CCNL2: variants seen among roughly 807,000 people sequenced by gnomAD.
The protein encoded by CCNL2 is cyclin-L2.
CCNL2 carries 28 observed loss-of-function variants against 59.1 expected under a neutral mutation model. The ratio of observed to expected loss-of-function variants is 0.47; its 90% CI spans 0.35 to 0.65. The LOEUF (loss-of-function observed/expected upper bound fraction) is 0.65. Ranked by LOEUF, CCNL2 falls within the 30% of genes least tolerant of loss-of-function variation. CCNL2 has a pLI of 0.00. For missense variants in CCNL2, 714 were observed against 717.4 expected (o/e 1.00, Z 0.05); for synonymous variants, 342 against 288.6 (o/e 1.19, Z -1.88).
rs777264153 is a variant in CCNL2 at position 1,390,792 on chromosome 1, T to C, written c.733A>G (p.Ile245Val). Reference sequence around the variant, plus strand: ...TCCAGCGTCCGGGCAGCAAGATAAATGCAGGCACAGGCGATGCTCTCTGGC... The same window carrying C: ...TCCAGCGTCCGGGCAGCAAGATAAACGCAGGCACAGGCGATGCTCTCTGGC... ...FQPESIACACIYLAARTLEIP... is the reference protein window; with the variant it reads ...FQPESIACACVYLAARTLEIP... The change falls in exon 6 of 11, where the codon ATT becomes GTT. Residue 245 changes from isoleucine to valine, a missense_variant. Physicochemically the swap from Ile to Val is conservative, Grantham distance 29. Transcript: ENST00000400809. 2.5e-6 allele frequency: 4 copies of C among 1,614,094 alleles called. No homozygotes were observed. Among genetic ancestry groups the C allele is most frequent in the African/African-American group, 2.7e-5 (2 of 75,024 alleles).
At chr1:1,396,550 G>C (rs1265214427) in intron 3 of CCNL2, among the ~76,000 whole-genome samples, 1 of 144,076 alleles carries the variant, frequency 6.9e-6, no homozygotes, top group African/African-American at 2.6e-5. Context: ...ATAGGCGTGA[G>C]CCACTGCGCT....
At chr1:1,392,298 T>G (rs1644802615) in intron 5 of CCNL2, 2 of 969,632 alleles carry the variant, frequency 2.1e-6, no homozygotes, top group Non-Finnish European at 2.5e-6. Context: ...ACATATAAAC[T>G]TATTGCTGTA....
chr1:1,387,344 T>C lies in CCNL2; in HGVS notation c.1450A>G (p.Lys484Glu). The C allele has an allele frequency of 1.2e-6, 2 of 1,614,180 alleles. No individual in the cohort carries two copies. The highest frequency in any genetic ancestry group is 1.7e-6 in the Non-Finnish European group (2 of 1,180,046). The change falls in exon 11 of 11, where the codon AAG becomes GAG. Residue 484 changes from lysine to glutamate, a missense_variant. Physicochemically the swap from Lys to Glu is moderately conservative, Grantham distance 56. Around this residue, in one of 5 missense-constraint regions of CCNL2, gnomAD observed 403 missense variants for 377.7 expected, o/e 1.07. Coordinates refer to ENST00000400809, the MANE Select transcript of CCNL2 (RefSeq NM_030937.6). ...RERADNPGKY[K>E]KKSHYYRDQR... ...TCTCTGTAGTAATGACTTTTCTTCT[T>C]GTATTTTCCCGGATTATCCGCCCGC...
intron 3 of CCNL2, among the ~76,000 whole-genome samples, chr1:1,397,350 A>C (rs1357932530): frequency 6.6e-6 from 1 of 152,146 alleles, no homozygotes; most frequent in African/African-American, 2.4e-5. Flanking sequence ...GCTGGAGTGC[A>C]GTGGTGACAT....
intron 4 of CCNL2, among the ~76,000 whole-genome samples, chr1:1,394,125 CAAA>C (rs79948157): frequency 3.4e-5 from 3 of 88,768 alleles, no homozygotes; most frequent in African/African-American, 4.2e-5. Context: ...ATTCCGTCTC[CAAA>C]AAAAAAAAAA....
intron 8 of CCNL2, 64 bp downstream of exon 8, chr1:1,390,166 G>A: frequency 7.5e-6 from 11 of 1,467,380 alleles, no homozygotes; most frequent in Non-Finnish European, 1.0e-5. Context: ...CAGAATGGAG[G>A]CGGGGGAGAG....
rs34758373 is a variant in CCNL2 at position 1,399,318 on chromosome 1, G to T, written c.-12C>A. On this transcript the variant is annotated 5_prime_UTR_variant, in exon 1 of 11. Coordinates refer to ENST00000400809, the MANE Select transcript of CCNL2 (RefSeq NM_030937.6). Reference sequence around the variant, plus strand: ...GCCGCCGCCGCCATTTTGTGCCGCCGACTCCCCTTCGGCTTCTTCCCTCAG... The same window carrying T: ...GCCGCCGCCGCCATTTTGTGCCGCCTACTCCCCTTCGGCTTCTTCCCTCAG... 1.4e-6 allele frequency: 2 copies of T among 1,439,624 alleles called. No individual in the cohort carries two copies. The highest frequency in any genetic ancestry group is 3.0e-5 in the African/African-American group (2 of 66,494). 89.2% of individuals were successfully genotyped at this position (1,439,624 alleles called of 1,614,324 possible).
rs1430542056 is a variant in CCNL2, at chr1:1,387,944, G to A, written c.1118+10C>T. The A allele has an allele frequency of 6.2e-7, 1 of 1,613,116 alleles. No homozygotes were observed. Among genetic ancestry groups the A allele is most frequent in the East Asian group, 2.2e-5 (1 of 44,876 alleles). ...CCCTGACAGCCACCTGGGCAGCCCT[G>A]GGGTCCTACCCGTTCACGGGGCTGT... On this transcript the variant is annotated intron_variant, in intron 9 of 10. Transcript: ENST00000400809.
chr1:1,389,565 C>A (rs1326402097), intron 8 of CCNL2: 1 of 152,252 alleles, frequency 6.6e-6, no homozygotes, highest in Non-Finnish European at 1.5e-5. Flanking sequence ...ATGCTCCTAG[C>A]ACTCTGGGAC....
At chr1:1,391,890 C>T in intron 5 of CCNL2, 1 of 253,620 alleles carries the variant, frequency 3.9e-6, no homozygotes, top group Non-Finnish European at 7.8e-6. Context: ...TACTGCTCCT[C>T]ACATACCCCA....
At position 1,399,284 on chromosome 1, in the gene CCNL2, G is replaced by GCCC; in HGVS notation, c.22_23insGGG (p.Ala7_Ala8insGly). 6 of 1,425,210 alleles carry GCCC rather than the reference G, an allele frequency of 4.2e-6. No homozygotes were observed. Among genetic ancestry groups the GCCC allele is most frequent in the Non-Finnish European group, 4.6e-6 (5 of 1,093,718 alleles). The allele number at this position is 1,425,210 out of a possible 1,614,324, so 88.3% of individuals were successfully genotyped here. On this transcript the variant is annotated inframe_insertion, in exon 1 of 11. Transcript: ENST00000400809. ...GGGAGCTGCCGACCCTGCAGCACCA[G>GCCC]CCGCCGCCGCCGCCGCCGCCATTTT...
At chr1:1,390,433 C>G (rs1157564861) in intron 7 of CCNL2, 26 bp downstream of exon 7, 9 of 1,612,514 alleles carry the variant, frequency 5.6e-6, no homozygotes, top group South Asian at 4.4e-5. Context: ...CAAACGCATA[C>G]GTTACATGAA....
intron 4 of CCNL2, 56 bp downstream of exon 4, chr1:1,395,338 G>A (rs560570288): frequency 1.6e-4 from 262 of 1,598,346 alleles, no homozygotes; most frequent in Middle Eastern, 3.3e-4. Context: ...GGAGAGAGGC[G>A]GCCAGGCAGG....
At chr1:1,387,903 A>G (rs544813154) in intron 9 of CCNL2, 34 bp from the exon 10 acceptor site, 2 of 1,613,632 alleles carry the variant, frequency 1.2e-6, no homozygotes, top group East Asian at 4.5e-5. Context: ...TACAAAGCAG[A>G]AGTCCCTCCA....
At chr1:1,394,752 GAAAAAAAAAAAAA>G (rs745453245) in intron 4 of CCNL2, among the ~76,000 whole-genome samples, 2 of 42,822 alleles carry the variant, frequency 4.7e-5, no homozygotes, top group African/African-American at 7.3e-5. Context: ...TCCGTCTCAA[GAAAAAAAAAAAAA>G]AAAAAAAAAA....
intron 5 of CCNL2, chr1:1,391,769 C>T (rs1490319621): frequency 5.8e-6 from 2 of 342,270 alleles, no homozygotes; most frequent in Non-Finnish European, 1.1e-5. Flanking sequence ...TGAGCATTTC[C>T]TTTAGATCTC....
At position 1,392,816 on chromosome 1, in the gene CCNL2, G is replaced by A. The variant is rs756983775; in HGVS notation, c.659+580C>T. 5 of 1,612,202 alleles carry A rather than the reference G, an allele frequency of 3.1e-6. No homozygotes were observed. The South Asian group carries it at 3.3e-5, about 11-fold the overall frequency. On this transcript the variant is annotated intron_variant, in intron 5 of 10. Coordinates refer to ENST00000400809, the MANE Select transcript of CCNL2 (RefSeq NM_030937.6). ...CTCAGAGGCTACCCTTTGATTGAAA[G>A]AGTACAGAAAAGAAAAGTCAAAATA... is the stretch of plus-strand genomic sequence containing the variant.
intron 5 of CCNL2, chr1:1,393,137 G>A: frequency 3.4e-6 from 2 of 584,426 alleles, no homozygotes; most frequent in Non-Finnish European, 6.1e-6. Flanking sequence ...GCTCCCAGAG[G>A]AAGCCCACTG....
intron 6 of CCNL2, 89 bp downstream of exon 6, chr1:1,390,677 G>C: frequency 6.8e-7 from 1 of 1,480,906 alleles, no homozygotes; most frequent in Non-Finnish European, 9.4e-7. Flanking sequence ...CCAGATTAGA[G>C]TAATTTGAAG....
Sources: allele counts gnomAD v4.1 joint callset (sites outside exome capture counted in the v4.1 genomes callset), GRCh38; gene constraint gnomAD v4.1.1; regional missense constraint gnomAD v4.1.1; transcripts MANE v1.5; gene names NCBI Gene and HGNC (gene_info 2026-07-23, HGNC 2026-07-21).